SEM1: variants seen among roughly 807,000 people sequenced by gnomAD.
The protein encoded by SEM1 is SEM1 26S proteasome subunit, also known as 26S proteasome complex subunit SEM1.
Under a neutral mutation model 12.7 loss-of-function variants are expected in SEM1, and 3 were observed. The ratio of observed to expected loss-of-function variants is 0.24; its 90% CI spans 0.11 to 0.61. The LOEUF (loss-of-function observed/expected upper bound fraction) is 0.61, where lower values mean the gene tolerates loss of function less well. Among genes scored for constraint, SEM1 ranks in the 20% least tolerant of loss-of-function variants. SEM1 has a pLI of 0.88. For missense variants in SEM1, 59 were observed against 81.3 expected (o/e 0.73, Z 1.06); for synonymous variants, 30 against 27.8 (o/e 1.08, Z -0.25).
chr7:96,703,790 T>C (rs562568492), intron 1 of SEM1, among the ~76,000 whole-genome samples: 1 of 151,692 alleles, frequency 6.6e-6, no homozygotes, highest in Non-Finnish European at 1.5e-5. Context: ...CACAAAAAAT[T>C]TGAAAGAACA....
chr7:96,685,136 G>A (rs1196164973), downstream of SEM1, among the ~76,000 whole-genome samples: 1 of 152,082 alleles, frequency 6.6e-6, no homozygotes, highest in Non-Finnish European at 1.5e-5. Flanking sequence ...ACGACAACAT[G>A]CTGTAGAAAG....
chr7:96,628,552 C>T (rs928473563), intron 2 of SEM1, among the ~76,000 whole-genome samples: 2 of 152,144 alleles, frequency 1.3e-5, no homozygotes, highest in Non-Finnish European at 2.9e-5. Flanking sequence ...TATCCTCCCA[C>T]TTTTTAACTG....
At chr7:96,645,940 C>G in intron 2 of SEM1, 1 of 398,216 alleles carries the variant, frequency 2.5e-6, no homozygotes, top group Non-Finnish European at 4.4e-6. Context: ...TGTCTACCTT[C>G]CACAAGAAGA....
chr7:96,484,123 G>A, intron 3 of SEM1: 1 of 850,998 alleles, frequency 1.2e-6, no homozygotes, highest in Non-Finnish European at 1.7e-6. Context: ...AGAAAACTGA[G>A]GTATAACTGT....
chr7:96,514,240 T>TTTTA (rs1042647758), intron 2 of SEM1, among the ~76,000 whole-genome samples: 4 of 152,076 alleles, frequency 2.6e-5, no homozygotes, highest in South Asian at 2.1e-4. Flanking sequence ...GCAGTTACCT[T>TTTTA]TTTATTTATT....
intron 2 of SEM1, among the ~76,000 whole-genome samples, chr7:96,629,177 T>G (rs1808167300): frequency 6.6e-6 from 1 of 152,142 alleles, no homozygotes. Flanking sequence ...GATATGGGTA[T>G]CTTTCTCTAG....
chr7:96,691,457 G>C (rs1336246263), intron 2 of SEM1, among the ~76,000 whole-genome samples: 5 of 152,152 alleles, frequency 3.3e-5, no homozygotes, highest in Non-Finnish European at 7.3e-5. Context: ...GTTGCCCAAG[G>C]TTCATATGGC....
At chr7:96,568,413 C>T (rs1033139799) in intron 2 of SEM1, among the ~76,000 whole-genome samples, 8 of 151,726 alleles carry the variant, frequency 5.3e-5, no homozygotes, top group East Asian at 1.9e-4. Context: ...TTTTAAAAAG[C>T]GCAATTTTTA....
At chr7:96,635,839 G>A (rs1298673169) in intron 2 of SEM1, among the ~76,000 whole-genome samples, 2 of 151,900 alleles carry the variant, frequency 1.3e-5, no homozygotes, top group Admixed American at 6.6e-5. Flanking sequence ...AAACCAGCAG[G>A]GAGAATGATC....
upstream of SEM1, among the ~76,000 whole-genome samples, chr7:96,500,843 G>A (rs1235985120): frequency 6.6e-6 from 1 of 152,122 alleles, no homozygotes; most frequent in African/African-American, 2.4e-5. Flanking sequence ...CCAGGTCCCT[G>A]CCAGGCCTGG....
At chr7:96,535,263 G>A (rs952510137) in intron 2 of SEM1, among the ~76,000 whole-genome samples, 1 of 151,910 alleles carries the variant, frequency 6.6e-6, no homozygotes, top group African/African-American at 2.4e-5. Context: ...ATGGTCTAGT[G>A]TCCTAGACCA....
intron 2 of SEM1, among the ~76,000 whole-genome samples, chr7:96,485,430 C>T (rs1802711799): frequency 6.6e-6 from 1 of 151,892 alleles, no homozygotes; most frequent in Non-Finnish European, 1.5e-5. Flanking sequence ...TTGATCTTCC[C>T]AACTCCTCCT....
downstream of SEM1, among the ~76,000 whole-genome samples, chr7:96,687,336 C>T (rs527336738): frequency 2.6e-5 from 4 of 152,182 alleles, no homozygotes; most frequent in South Asian, 4.1e-4. Flanking sequence ...CACATGCACA[C>T]GTATGTTTAT....
At chr7:96,695,132 T>A (rs1445334765) in intron 1 of SEM1, 8 of 317,404 alleles carry the variant, frequency 2.5e-5, no homozygotes, top group Non-Finnish European at 4.6e-5. Flanking sequence ...AAACTTACAA[T>A]TTCAGGAGGA....
chr7:96,614,097 A>G (rs1563083446), intron 2 of SEM1, among the ~76,000 whole-genome samples: 2 of 152,156 alleles, frequency 1.3e-5, no homozygotes, highest in African/African-American at 4.8e-5. Flanking sequence ...ATTCATATCC[A>G]TCTACTGTAT....
At chr7:96,575,032 G>A (rs1806160461) in intron 2 of SEM1, among the ~76,000 whole-genome samples, 1 of 152,160 alleles carries the variant, frequency 6.6e-6, no homozygotes, top group Admixed American at 6.5e-5. Context: ...ATCCTTTGGT[G>A]GAGAAGAGTT....
At chr7:96,566,523 A>T (rs1805846979) in intron 2 of SEM1, among the ~76,000 whole-genome samples, 1 of 151,362 alleles carries the variant, frequency 6.6e-6, no homozygotes, top group Admixed American at 6.6e-5. Flanking sequence ...ATTCATAAGA[A>T]CTCTTCATAT....
chr7:96,540,429 T>C (rs1200118273), intron 2 of SEM1, among the ~76,000 whole-genome samples: 1 of 151,740 alleles, frequency 6.6e-6, no homozygotes, highest in Admixed American at 6.6e-5. Flanking sequence ...GTTAATAAAA[T>C]TAATAGGGGA....
chr7:96,683,273 T>C (rs1055832752), intron 2 of SEM1, among the ~76,000 whole-genome samples: 4 of 151,508 alleles, frequency 2.6e-5, no homozygotes, highest in Non-Finnish European at 4.4e-5. Flanking sequence ...CCAACAAACA[T>C]ATTTAAAAAA....
Sources: gnomAD v4.1 joint callset for allele counts (sites outside exome capture counted in the v4.1 genomes callset) on GRCh38, gnomAD v4.1.1 for gene constraint, MANE v1.5 for transcripts, NCBI Gene and HGNC (gene_info 2026-07-23, HGNC 2026-07-21) for gene names.